Variants in SLC25A12 observed in about 807,000 individuals in gnomAD.
SLC25A12 encodes solute carrier family 25 member 12.
SLC25A12 carries 32 observed loss-of-function variants against 83.3 expected under a neutral mutation model. The ratio of observed to expected loss-of-function variants is 0.38; its 90% CI spans 0.29 to 0.52. SLC25A12 has a LOEUF of 0.52. Ranked by LOEUF, SLC25A12 falls within the 20% of genes least tolerant of loss-of-function variation. The pLI, the probability that SLC25A12 is intolerant of heterozygous loss-of-function variation, is 0.84. For missense variants in SLC25A12, 611 were observed against 835.6 expected (o/e 0.73, Z 3.31); for synonymous variants, 267 against 291.1 (o/e 0.92, Z 0.84).
At chr2:171,838,243 T>G (rs1351688372) in intron 5 of SLC25A12, among the ~76,000 whole-genome samples, 1 of 152,224 alleles carries the variant, frequency 6.6e-6, no homozygotes, top group Non-Finnish European at 1.5e-5. Flanking sequence ...CTTTAACTTT[T>G]CATGACATTA....
At chr2:171,810,401 G>GA in intron 11 of SLC25A12, 125 bp from the exon 12 acceptor site, 2 of 802,906 alleles carry the variant, frequency 2.5e-6, no homozygotes, top group Middle Eastern at 2.2e-4. Flanking sequence ...ATTAAAATGG[G>GA]AAAAAGATTA....
intron 9 of SLC25A12, among the ~76,000 whole-genome samples, chr2:171,823,921 A>G (rs1305256149): frequency 1.4e-5 from 2 of 142,784 alleles, no homozygotes; most frequent in Non-Finnish European, 3.0e-5. Flanking sequence ...TGCCTGGCTG[A>G]CAGAGTGAGA....
At chr2:171,832,213 G>A (rs1684455186) in intron 8 of SLC25A12, among the ~76,000 whole-genome samples, 1 of 152,076 alleles carries the variant, frequency 6.6e-6, no homozygotes, top group Non-Finnish European at 1.5e-5. Context: ...TACTAATCCT[G>A]AGACATCTAG....
intron 15 of SLC25A12, 169 bp from the exon 16 acceptor site, chr2:171,788,116 G>T: frequency 1.6e-6 from 1 of 643,164 alleles, no homozygotes; most frequent in Non-Finnish European, 2.7e-6. Context: ...CCTATTAGCT[G>T]TTGCAGTGTG....
At chr2:171,814,986 T>C (rs1394325982) in intron 10 of SLC25A12, 135 bp downstream of exon 10, 18 of 728,744 alleles carry the variant, frequency 2.5e-5, no homozygotes, top group South Asian at 4.3e-5. Context: ...TAGGTAAAAA[T>C]AAAGAACACT....
chr2:171,860,899 T>C lies in SLC25A12; in HGVS notation c.210-4950A>G, dbSNP rs148263065. Among the ~76,000 whole-genome samples, 544 of 152,036 alleles carry C rather than the reference T, an allele frequency of 3.6e-3. 6 individuals are homozygous for C. The highest frequency in any genetic ancestry group is 0.013 in the African/African-American group (520 of 41,482). On this transcript the variant is annotated intron_variant, in intron 3 of 17. Transcript: ENST00000422440. ...AAGTTCAAGACCAGCCTAAGCAACA[T>C]AGAAAGACCCTATCTCTACAAAAAA...
chr2:171,806,540 G>C (rs1330870743), intron 13 of SLC25A12, among the ~76,000 whole-genome samples: 1 of 152,146 alleles, frequency 6.6e-6, no homozygotes, highest in African/African-American at 2.4e-5. Context: ...AAGGACTAGA[G>C]ATTTTCACTT....
At chr2:171,842,166 AT>A (rs1416100307) in intron 5 of SLC25A12, among the ~76,000 whole-genome samples, 1 of 152,170 alleles carries the variant, frequency 6.6e-6, no homozygotes, top group East Asian at 1.9e-4. Flanking sequence ...AAAATATAAC[AT>A]ATTTATACTA....
intron 3 of SLC25A12, among the ~76,000 whole-genome samples, chr2:171,856,967 G>C (rs758345321): frequency 6.6e-5 from 10 of 152,198 alleles, no homozygotes; most frequent in Non-Finnish European, 1.3e-4. Flanking sequence ...ATGGAGAAGA[G>C]ATGGAGGTAT....
chr2:171,892,110 G>T (rs932219445), intron 2 of SLC25A12, among the ~76,000 whole-genome samples: 11 of 152,190 alleles, frequency 7.2e-5, no homozygotes, highest in African/African-American at 2.4e-4. Context: ...ACACAGCAGG[G>T]ACCTGCCCAA....
At chr2:171,797,168 TAA>T (rs1683615979) in intron 13 of SLC25A12, among the ~76,000 whole-genome samples, 1 of 152,188 alleles carries the variant, frequency 6.6e-6, no homozygotes. Flanking sequence ...ATAAATACAG[TAA>T]CTTTTCAATA....
chr2:171,829,246 C>T (rs1372800585), intron 8 of SLC25A12, among the ~76,000 whole-genome samples: 8 of 152,170 alleles, frequency 5.3e-5, no homozygotes, highest in Non-Finnish European at 1.2e-4. Context: ...CAACACCATC[C>T]TGCAATTAGA....
At chr2:171,819,199 TTAATATA>T (rs1315435440) in intron 9 of SLC25A12, among the ~76,000 whole-genome samples, 3 of 133,800 alleles carry the variant, frequency 2.2e-5, no homozygotes, top group South Asian at 2.2e-4. Context: ...GTATTATATA[TTAATATA>T]TAATATATAA....
At chr2:171,868,099 C>G (rs1175129045) in intron 3 of SLC25A12, among the ~76,000 whole-genome samples, 1 of 152,084 alleles carries the variant, frequency 6.6e-6, no homozygotes, top group African/African-American at 2.4e-5. Flanking sequence ...ACCCACTTGG[C>G]CTCCCAAAGT....
chr2:171,795,766 C>T (rs899855243), intron 13 of SLC25A12, among the ~76,000 whole-genome samples: 6 of 151,642 alleles, frequency 4.0e-5, no homozygotes, highest in South Asian at 2.1e-4. Flanking sequence ...TACTCCAATC[C>T]GTGTCCCCCA....
intron 5 of SLC25A12, among the ~76,000 whole-genome samples, chr2:171,840,553 CAAG>C (rs1297629274): frequency 6.6e-6 from 1 of 151,724 alleles, no homozygotes; most frequent in Admixed American, 6.6e-5. Flanking sequence ...ATCCATGAAA[CAAG>C]AACAGTATGC....
rs1558907003 is a variant in SLC25A12 at position 171,791,598 on chromosome 2, CAGTG to C, written c.1447-13_1447-10del. ...AAACACGCTTTGGCACCCTGTCACA[CAGTG>C]AGGAAATAGTGCAAAACAGTGTGAA... On this transcript the variant is annotated splice_polypyrimidine_tract_variant and intron_variant, in intron 14 of 17. Coordinates refer to ENST00000422440, the MANE Select transcript of SLC25A12 (RefSeq NM_003705.5). The C allele has an allele frequency of 6.2e-7, 1 of 1,613,546 alleles. No individual in the cohort carries two copies. Among genetic ancestry groups the C allele is most frequent in the Non-Finnish European group, 8.5e-7 (1 of 1,179,538 alleles).
At chr2:171,865,680 T>C (rs993932010) in intron 3 of SLC25A12, among the ~76,000 whole-genome samples, 1 of 151,170 alleles carries the variant, frequency 6.6e-6, no homozygotes, top group East Asian at 1.9e-4. Flanking sequence ...ATATATTATA[T>C]ACATATATAT....
intron 5 of SLC25A12, among the ~76,000 whole-genome samples, chr2:171,837,517 A>T (rs1684584305): frequency 6.6e-6 from 1 of 152,230 alleles, no homozygotes; most frequent in Non-Finnish European, 1.5e-5. Flanking sequence ...AAGGTAGGAA[A>T]AAATAACCCT....
Sources: allele counts gnomAD v4.1 joint callset (sites outside exome capture counted in the v4.1 genomes callset), GRCh38; gene constraint gnomAD v4.1.1; transcripts MANE v1.5; gene names NCBI Gene and HGNC (gene_info 2026-07-23, HGNC 2026-07-21).